The following FTCDNL1 variants were observed in gnomAD, a reference collection of about 807,000 sequenced individuals.
FTCDNL1 encodes formiminotransferase N-terminal subdomain-containing protein.
Under a neutral mutation model 5.9 loss-of-function variants are expected in FTCDNL1, and 11 were observed. The observed-to-expected ratio is 1.87, with a 90% CI of 1.18 to 3.10. FTCDNL1 has a LOEUF of 3.10. Among genes scored for constraint, FTCDNL1 ranks in the 30% most tolerant of loss-of-function variants. FTCDNL1 has a pLI of 0.00. For synonymous variants in FTCDNL1, 58 were observed against 24.8 expected (o/e 2.34, Z -3.99); for missense variants, 115 against 65.5 (o/e 1.76, Z -2.61).
At chr2:199,708,085 A>G in the FTCDNL1 span, among the ~76,000 whole-genome samples, 1 of 148,694 alleles carries the variant, frequency 6.7e-6, no homozygotes, top group African/African-American at 2.5e-5. Context: ...ATATTGTCAT[A>G]TCACTGAGAT....
chr2:199,687,855 T>TA, the FTCDNL1 span, among the ~76,000 whole-genome samples: 2 of 152,244 alleles, frequency 1.3e-5, no homozygotes, highest in Admixed American at 1.3e-4. Flanking sequence ...TATGTGTTTT[T>TA]ATCTCCATTT....
At chr2:199,759,603 A>G (rs1447063976), downstream of FTCDNL1, among the ~76,000 whole-genome samples, 2 of 152,188 alleles carry the variant, frequency 1.3e-5, no homozygotes, top group Non-Finnish European at 2.9e-5. Flanking sequence ...AAACAGAAAC[A>G]TGTATGTGTA....
chr2:199,728,524 A>G, the FTCDNL1 span, among the ~76,000 whole-genome samples: 332 of 152,282 alleles, frequency 2.2e-3, 1 homozygote, highest in Non-Finnish European at 3.4e-3. Context: ...CTGGGATTAC[A>G]GGCGTGAGCC....
At position 199,774,438 on chromosome 2, in the gene FTCDNL1, ACT is replaced by A. The variant is rs199829188; in HGVS notation, c.212-13605_212-13604del. Among the ~76,000 whole-genome samples, 389 of 151,828 alleles carry A rather than the reference ACT, an allele frequency of 2.6e-3. 6 individuals carry two copies. Among genetic ancestry groups the A allele is most frequent in the African/African-American group, 8.8e-3 (364 of 41,362 alleles). On this transcript the variant is annotated intron_variant, in intron 3 of 3. Transcript: ENST00000416668. ...TCCTGGACAGATTATGTTGGAATTG[ACT>A]CTATTTGTCTCATACTAGGCCAGGA...
intron 3 of FTCDNL1, among the ~76,000 whole-genome samples, chr2:199,797,182 T>C (rs1700215826): frequency 6.6e-6 from 1 of 152,228 alleles, no homozygotes; most frequent in Non-Finnish European, 1.5e-5. Flanking sequence ...ACTTTCAATT[T>C]CATTTTCAAT....
At chr2:199,725,339 A>G in the FTCDNL1 span, among the ~76,000 whole-genome samples, 1 of 152,196 alleles carries the variant, frequency 6.6e-6, no homozygotes, top group Non-Finnish European at 1.5e-5. Context: ...TAATTTATCC[A>G]GCTTGCCATT....
the FTCDNL1 span, among the ~76,000 whole-genome samples, chr2:199,744,555 C>T: frequency 6.6e-6 from 1 of 152,150 alleles, no homozygotes; most frequent in South Asian, 2.1e-4. Flanking sequence ...CCAAACCTGC[C>T]AACACCTTGA....
chr2:199,705,879 G>A, the FTCDNL1 span, among the ~76,000 whole-genome samples: 1 of 152,212 alleles, frequency 6.6e-6, no homozygotes, highest in Non-Finnish European at 1.5e-5. Flanking sequence ...ATCTGTTGCA[G>A]GTTGGACAGC....
At chr2:199,787,228 C>T (rs112718267) in intron 3 of FTCDNL1, among the ~76,000 whole-genome samples, 2,598 of 151,966 alleles carry the variant, frequency 0.017, 69 homozygotes, top group African/African-American at 0.06. Flanking sequence ...GTCACCCAGG[C>T]TGGAGTGCAA....
At chr2:199,827,585 T>A (rs1702114638) in intron 3 of FTCDNL1, among the ~76,000 whole-genome samples, 2 of 151,940 alleles carry the variant, frequency 1.3e-5, no homozygotes, top group Admixed American at 6.6e-5. Flanking sequence ...AATACCATGA[T>A]CTTTGGAATT....
the FTCDNL1 span, among the ~76,000 whole-genome samples, chr2:199,702,364 T>TG: frequency 6.6e-6 from 1 of 152,034 alleles, no homozygotes; most frequent in Non-Finnish European, 1.5e-5. Context: ...GTAACAAAGG[T>TG]GGGAAAAAAG....
intron 3 of FTCDNL1, among the ~76,000 whole-genome samples, chr2:199,824,905 A>C (rs1271255726): frequency 6.6e-6 from 1 of 152,164 alleles, no homozygotes; most frequent in Non-Finnish European, 1.5e-5. Context: ...TGGGAGGCTG[A>C]GGCAGGCAGA....
chr2:199,687,571 A>C, the FTCDNL1 span, among the ~76,000 whole-genome samples: 2 of 152,206 alleles, frequency 1.3e-5, no homozygotes, highest in African/African-American at 4.8e-5. Context: ...TGAACTTGAA[A>C]GTCTTTGCAC....
At chr2:199,826,726 G>A (rs998949650) in intron 3 of FTCDNL1, among the ~76,000 whole-genome samples, 20 of 152,176 alleles carry the variant, frequency 1.3e-4, no homozygotes, top group South Asian at 4.1e-4. Flanking sequence ...CACAGGAGGC[G>A]GAGGCTGCAG....
At chr2:199,759,214 G>A (rs1698176719), downstream of FTCDNL1, among the ~76,000 whole-genome samples, 1 of 151,486 alleles carries the variant, frequency 6.6e-6, no homozygotes, top group Non-Finnish European at 1.5e-5. Flanking sequence ...TACACCAATT[G>A]ATAAATGTGC....
intron 3 of FTCDNL1, among the ~76,000 whole-genome samples, chr2:199,790,672 T>C (rs961490513): frequency 6.6e-6 from 1 of 152,028 alleles, no homozygotes; most frequent in Non-Finnish European, 1.5e-5. Context: ...GACAAACATA[T>C]TCCTTAAACA....
the FTCDNL1 span, among the ~76,000 whole-genome samples, chr2:199,742,895 C>G: frequency 6.6e-6 from 1 of 152,104 alleles, no homozygotes; most frequent in Non-Finnish European, 1.5e-5. Context: ...TGTAGGAGGA[C>G]CACAAAGGAA....
At chr2:199,766,598 T>C (rs1342961067) in intron 3 of FTCDNL1, among the ~76,000 whole-genome samples, 2 of 152,228 alleles carry the variant, frequency 1.3e-5, no homozygotes, top group Non-Finnish European at 2.9e-5. Flanking sequence ...GGCTTTAATA[T>C]AGAATGTAAT....
intron 4 of FTCDNL1, among the ~76,000 whole-genome samples, chr2:199,816,203 C>T (rs1179140736): frequency 6.6e-6 from 1 of 152,118 alleles, no homozygotes; most frequent in Non-Finnish European, 1.5e-5. Flanking sequence ...TATTTTTCTG[C>T]TATTAGCACC....
Sources: allele counts gnomAD v4.1 joint callset (sites outside exome capture counted in the v4.1 genomes callset), GRCh38; gene constraint gnomAD v4.1.1; transcripts MANE v1.5; gene names NCBI Gene and HGNC (gene_info 2026-07-23, HGNC 2026-07-21).